NAV2: variants seen among roughly 807,000 people sequenced by gnomAD.
NAV2 encodes the protein helicase, APC down-regulated 1.
A neutral mutation model predicts 223.2 loss-of-function variants in NAV2; 54 were observed. The ratio of observed to expected loss-of-function variants is 0.24; its 90% CI spans 0.19 to 0.30. The LOEUF is 0.30. Among genes scored for constraint, NAV2 ranks in the 10% least tolerant of loss-of-function variants. The pLI, the probability that NAV2 is intolerant of heterozygous loss-of-function variation, is 1.00. For synonymous variants in NAV2, 1,279 were observed against 1,239.3 expected, an observed-to-expected ratio of 1.03 and a Z score of -0.67; for missense variants, 2,806 against 3,147.5, an observed-to-expected ratio of 0.89 and a Z score of 2.60.
chr11:19,414,172 C>T (rs1184378505), intron 1 of NAV2, among the ~76,000 whole-genome samples: 1 of 152,134 alleles, frequency 6.6e-6, no homozygotes, highest in Non-Finnish European at 1.5e-5. Context: ...TCAGGAGACC[C>T]ATCTCACATA....
rs2041585219 is a variant in NAV2, at chr11:19,892,500, T to C, written c.837T>C (p.Thr279=). ...AGGCCAAAACACGCGGAGGGTCAAC[T>C]ACTGCTAACAACCGACGCAGCCAGA... The part of the protein sequence containing the change: ...GSEAKTRGGS[T]TANNRRSQSF... The change falls in exon 6 of 38, where the codon ACT becomes ACC. Residue 279 remains threonine (T), a synonymous_variant. Coordinates refer to ENST00000349880, the MANE Select transcript of NAV2 (RefSeq NM_145117.5). 1 of 1,614,110 alleles carries C rather than the reference T, an allele frequency of 6.2e-7. No homozygotes were observed. The highest frequency in any genetic ancestry group is 8.5e-7 in the Non-Finnish European group (1 of 1,180,038).
At chr11:19,738,265 A>G (rs2052499764) in intron 1 of NAV2, among the ~76,000 whole-genome samples, 2 of 152,188 alleles carry the variant, frequency 1.3e-5, no homozygotes, top group South Asian at 2.1e-4. Context: ...AGTGCCAGCT[A>G]TGCTTTCCCT....
intron 4 of NAV2, among the ~76,000 whole-genome samples, chr11:19,876,227 C>T (rs781078575): frequency 5.9e-4 from 90 of 152,186 alleles, no homozygotes; most frequent in Middle Eastern, 3.4e-3. Flanking sequence ...GGTGTTTCAC[C>T]ATGTGAGCCA....
chr11:19,494,227 G>A (rs1397256127), intron 1 of NAV2, among the ~76,000 whole-genome samples: 4 of 152,242 alleles, frequency 2.6e-5, no homozygotes, highest in Non-Finnish European at 5.9e-5. Flanking sequence ...TGTGGGTGGA[G>A]AAAACACTGG....
intron 4 of NAV2, among the ~76,000 whole-genome samples, chr11:19,873,978 G>C (rs72909145): frequency 3.3e-5 from 5 of 152,156 alleles, no homozygotes; most frequent in Admixed American, 2.6e-4. Context: ...CACAACCATG[G>C]CTCAAAGGAA....
chr11:19,804,034 T>C (rs2058415192), intron 1 of NAV2, among the ~76,000 whole-genome samples: 1 of 152,168 alleles, frequency 6.6e-6, no homozygotes, highest in Non-Finnish European at 1.5e-5. Context: ...TTAATGACTT[T>C]TACTACTTAC....
intron 1 of NAV2, among the ~76,000 whole-genome samples, chr11:19,721,556 TCA>T (rs1590175325): frequency 1.3e-5 from 2 of 152,202 alleles, no homozygotes; most frequent in Admixed American, 1.3e-4. Context: ...TTCAAAAATG[TCA>T]GTGTCATGAA....
chr11:20,082,958 C>G, intron 25 of NAV2, 49 bp from the exon 26 acceptor site: 1 of 1,552,190 alleles, frequency 6.4e-7, no homozygotes. Flanking sequence ...TTGCCAAGGC[C>G]TAAGCATTGG....
At chr11:19,432,669 G>C (rs576709639) in intron 1 of NAV2, among the ~76,000 whole-genome samples, 1 of 152,276 alleles carries the variant, frequency 6.6e-6, no homozygotes, top group African/African-American at 2.4e-5. Flanking sequence ...AACCAGGAAG[G>C]AGCTGGGGCC....
chr11:19,512,393 G>A (rs2043307402), intron 1 of NAV2, among the ~76,000 whole-genome samples: 1 of 152,230 alleles, frequency 6.6e-6, no homozygotes, highest in African/African-American at 2.4e-5. Context: ...GACTGAGCAA[G>A]GTGGGCAGTA....
intron 1 of NAV2, among the ~76,000 whole-genome samples, chr11:19,822,678 A>G (rs993031102): frequency 3.3e-5 from 5 of 152,232 alleles, no homozygotes; most frequent in African/African-American, 7.2e-5. Flanking sequence ...GCAGATAAAA[A>G]GAGAAGAAAC....
At chr11:19,465,333 A>G (rs1212042060) in intron 1 of NAV2, among the ~76,000 whole-genome samples, 1 of 152,218 alleles carries the variant, frequency 6.6e-6, no homozygotes, top group Non-Finnish European at 1.5e-5. Flanking sequence ...TATCATTTCC[A>G]TTCCAAGATT....
At chr11:19,744,052 A>G (rs921945621) in intron 1 of NAV2, among the ~76,000 whole-genome samples, 1 of 152,220 alleles carries the variant, frequency 6.6e-6, no homozygotes, top group African/African-American at 2.4e-5. Context: ...TTTCACAGAG[A>G]TTATCTCATC....
At chr11:19,750,302 A>G (rs2053701988) in intron 1 of NAV2, among the ~76,000 whole-genome samples, 1 of 152,240 alleles carries the variant, frequency 6.6e-6, no homozygotes, top group Non-Finnish European at 1.5e-5. Flanking sequence ...TTGATTAAAG[A>G]CATTTTCTGA....
chr11:19,984,064 G>A (rs993734932), intron 10 of NAV2, 61 bp from the exon 11 acceptor site: 1 of 1,609,920 alleles, frequency 6.2e-7, no homozygotes, highest in African/African-American at 1.3e-5. Context: ...GGATATGAAT[G>A]CAAGCCTGGA....
In NAV2 at chr11:19,933,433, A is replaced by G. The variant is rs755248675; in HGVS notation, c.1189A>G (p.Asn397Asp). 1.1e-5 allele frequency: 17 copies of G among 1,592,060 alleles called. No individual in the cohort carries two copies. In the East Asian group the frequency reaches 2.9e-4, roughly 27 times the overall value. The change falls in exon 7 of 38, where the codon AAT (asparagine) becomes GAT (aspartate). Residue 397 changes from asparagine to aspartate, a missense_variant. Coordinates refer to ENST00000349880, the MANE Select transcript of NAV2 (RefSeq NM_145117.5). The surrounding 1 kb of genome is among the most constrained non-coding windows in gnomAD (Gnocchi z 4.3). ...TGAAGCCATGAAGCCGGCCCCCAAC[A>G]ATCAGAAGTCCATGCTGGAAAAGCT... ...TPEAMKPAPN[N>D]QKSMLEKLKL...
At chr11:19,703,543 C>T (rs556296134) in intron 1 of NAV2, among the ~76,000 whole-genome samples, 3 of 152,306 alleles carry the variant, frequency 2.0e-5, no homozygotes, top group East Asian at 1.9e-4. Flanking sequence ...CTACCCGCAC[C>T]GCTGGAGCTG....
At position 19,459,365 on chromosome 11, in the gene NAV2, C is replaced by A. The variant is rs578249247; in HGVS notation, c.75+108338C>A. Among the ~76,000 whole-genome samples, 8 of 152,308 alleles carry A rather than the reference C, an allele frequency of 5.3e-5. No individual in the cohort carries two copies. The East Asian group carries it at 1.5e-3, about 29-fold the overall frequency. On this transcript the variant is annotated intron_variant, in intron 1 of 37. Coordinates refer to the NAV2 transcript ENST00000360655. ...CTTATGGTCAAAATCCTCAGTCTCCCAGAACAGAGAAAGTTTCTGCCTTAG... is the reference window on the plus strand; with the variant it reads ...CTTATGGTCAAAATCCTCAGTCTCCAAGAACAGAGAAAGTTTCTGCCTTAG...
At chr11:19,896,613 G>A (rs980718568) in intron 6 of NAV2, among the ~76,000 whole-genome samples, 6 of 152,178 alleles carry the variant, frequency 3.9e-5, no homozygotes, top group Non-Finnish European at 7.3e-5. Flanking sequence ...GGTCATCCAT[G>A]TCATAGCCTG....
Sources: allele counts gnomAD v4.1 joint callset (sites outside exome capture counted in the v4.1 genomes callset), GRCh38; gene constraint gnomAD v4.1.1; non-coding constraint Gnocchi (gnomAD v3.1); transcripts MANE v1.5; gene names NCBI Gene and HGNC (gene_info 2026-07-23, HGNC 2026-07-21).